The following SNTG1 variants were observed in gnomAD, a reference collection of about 807,000 sequenced individuals.
SNTG1 encodes the protein syntrophin gamma 1, also known as gamma-1-syntrophin.
Under a neutral mutation model 74.7 loss-of-function variants are expected in SNTG1, and 39 were observed. The ratio of observed to expected loss-of-function variants is 0.52; its 90% CI spans 0.40 to 0.68. SNTG1 has a LOEUF of 0.68. SNTG1 is among the 30% of genes least tolerant of loss of function. SNTG1 has a pLI of 0.00. For missense variants in SNTG1, 685 were observed against 609.5 expected (o/e 1.12, Z -1.30); for synonymous variants, 254 against 217.1 (o/e 1.17, Z -1.49).
Position 50,122,133 on chromosome 8 carries a change from C to T in SNTG1, c.-102-50428C>T, listed in dbSNP as rs145264398. Among the ~76,000 whole-genome samples, 107 of 141,526 alleles carry T rather than the reference C, an allele frequency of 7.6e-4. 13 individuals carry two copies. The East Asian group carries it at 0.021, about 28-fold the overall frequency. 92.8% of individuals were successfully genotyped at this position (141,526 alleles called of 152,430 possible). On this transcript the variant is annotated intron_variant, in intron 1 of 18. Transcript: ENST00000642720. Reference sequence around the variant, plus strand: ...GTCCTCTGCCATACAGATACACACACACCTTGTAAGTTGTGCCCATGGTTG... The same window carrying T: ...GTCCTCTGCCATACAGATACACACATACCTTGTAAGTTGTGCCCATGGTTG...
At chr8:50,483,689 C>T (rs1240613319) in intron 8 of SNTG1, among the ~76,000 whole-genome samples, 2 of 152,142 alleles carry the variant, frequency 1.3e-5, no homozygotes, top group African/African-American at 4.8e-5. Context: ...ACAATATTTA[C>T]TTCTTAGTTA....
At chr8:50,213,772 G>T (rs1161843579) in intron 2 of SNTG1, among the ~76,000 whole-genome samples, 2 of 151,754 alleles carry the variant, frequency 1.3e-5, no homozygotes, top group African/African-American at 4.9e-5. Context: ...CTTTTGACGG[G>T]GTTGTCTGTT....
intron 2 of SNTG1, among the ~76,000 whole-genome samples, chr8:50,291,075 C>A (rs866511464): frequency 7.2e-5 from 11 of 152,126 alleles, no homozygotes; most frequent in African/African-American, 2.7e-4. Flanking sequence ...TTCATTCTTG[C>A]ATATGTGGAT....
chr8:50,061,470 T>G (rs1286435244), intron 1 of SNTG1, among the ~76,000 whole-genome samples: 2 of 152,202 alleles, frequency 1.3e-5, no homozygotes, highest in East Asian at 3.9e-4. Context: ...CCAGTTTCTT[T>G]CATTTTTAAT....
chr8:50,453,643 T>C (rs2093476205), intron 8 of SNTG1, among the ~76,000 whole-genome samples: 1 of 152,354 alleles, frequency 6.6e-6, no homozygotes, highest in South Asian at 2.1e-4. Context: ...ATAAATGTTA[T>C]GGGAATGAAT....
chr8:50,304,103 G>A (rs1030787768), intron 2 of SNTG1, among the ~76,000 whole-genome samples: 3 of 152,166 alleles, frequency 2.0e-5, no homozygotes, highest in South Asian at 2.1e-4. Context: ...TTTAAGAGGC[G>A]ATTAGACCCT....
chr8:49,984,525 T>C (rs1812978043), intron 1 of SNTG1, among the ~76,000 whole-genome samples: 1 of 152,168 alleles, frequency 6.6e-6, no homozygotes, highest in Non-Finnish European at 1.5e-5. Flanking sequence ...CAAATATAAA[T>C]TATTTCCAGT....
At chr8:49,997,169 G>A (rs1296801805) in intron 1 of SNTG1, among the ~76,000 whole-genome samples, 1 of 152,070 alleles carries the variant, frequency 6.6e-6, no homozygotes. Flanking sequence ...TGAGGAATCA[G>A]AATTGTACAC....
chr8:50,653,543 T>C (rs2131250444), intron 13 of SNTG1, among the ~76,000 whole-genome samples: 1 of 152,360 alleles, frequency 6.6e-6, no homozygotes, highest in Admixed American at 6.5e-5. Context: ...CTTACATTTT[T>C]CCGCCACATT....
chr8:50,723,996 T>C (rs999106628), intron 17 of SNTG1, among the ~76,000 whole-genome samples: 1 of 152,134 alleles, frequency 6.6e-6, no homozygotes, highest in African/African-American at 2.4e-5. Context: ...TGCTATTTGC[T>C]TTTTTCCAAG....
Position 50,119,079 on chromosome 8 carries a change from AAAAC to A in SNTG1, c.-102-53462_-102-53459del, listed in dbSNP as rs201543508. Reference sequence around the variant, plus strand: ...TGGTGCTCAGAAACTACATGGAAGCAAAACAAACAAACAAACAAACAAAACACCT... The same window carrying A: ...TGGTGCTCAGAAACTACATGGAAGCAAAACAAACAAACAAACAAAACACCT... On this transcript the variant is annotated intron_variant, in intron 1 of 18. Coordinates refer to ENST00000642720, the MANE Select transcript of SNTG1 (RefSeq NM_018967.5). Among the ~76,000 whole-genome samples, 43 of 141,608 alleles carry A rather than the reference AAAAC, an allele frequency of 3.0e-4. 8 individuals carry two copies. In the East Asian group the frequency reaches 4.5e-3, roughly 15 times the overall value. 92.9% of individuals were successfully genotyped at this position (141,608 alleles called of 152,430 possible).
intron 12 of SNTG1, 62 bp downstream of exon 12, chr8:50,553,241 A>G (rs1487714186): frequency 1.0e-5 from 16 of 1,594,140 alleles, no homozygotes; most frequent in Non-Finnish European, 1.3e-5. Context: ...ATCCTTCAGT[A>G]TATATGTAAC....
chr8:49,910,992 T>C (rs1014672409), upstream of SNTG1: 1 of 152,228 alleles, frequency 6.6e-6, no homozygotes, highest in South Asian at 2.1e-4. Context: ...GTTCGCCGGA[T>C]CCTCTGAGAG....
At chr8:50,031,306 C>A (rs909711508) in intron 1 of SNTG1, among the ~76,000 whole-genome samples, 3 of 151,850 alleles carry the variant, frequency 2.0e-5, no homozygotes, top group Admixed American at 1.3e-4. Context: ...TTTATTTTTT[C>A]TTTCCAGATT....
intron 9 of SNTG1, among the ~76,000 whole-genome samples, chr8:50,512,321 C>T (rs867976814): frequency 2.1e-4 from 32 of 151,372 alleles, no homozygotes; most frequent in African/African-American, 7.0e-4. Context: ...GTGGGTAACC[C>T]GACCTTTCTC....
At chr8:50,429,376 A>T (rs536519309) in intron 4 of SNTG1, among the ~76,000 whole-genome samples, 2 of 152,264 alleles carry the variant, frequency 1.3e-5, no homozygotes, top group South Asian at 4.1e-4. Flanking sequence ...ACCCAAACCA[A>T]TGAAGAAAGA....
At chr8:50,363,792 G>A (rs2092032240) in intron 2 of SNTG1, among the ~76,000 whole-genome samples, 1 of 152,092 alleles carries the variant, frequency 6.6e-6, no homozygotes, top group South Asian at 2.1e-4. Context: ...AATTCCTTTG[G>A]TAAGAGAGAT....
chr8:50,649,933 A>T (rs1283744849), intron 13 of SNTG1, among the ~76,000 whole-genome samples: 1 of 151,780 alleles, frequency 6.6e-6, no homozygotes, highest in East Asian at 1.9e-4. Context: ...ATAAATTCAT[A>T]TTATCAATGA....
At chr8:50,544,741 G>C (rs1190609210) in intron 11 of SNTG1, among the ~76,000 whole-genome samples, 1 of 151,956 alleles carries the variant, frequency 6.6e-6, no homozygotes, top group African/African-American at 2.4e-5. Context: ...ATTTCATAGA[G>C]ATTCACATTC....
Sources: gnomAD v4.1 joint callset for allele counts (sites outside exome capture counted in the v4.1 genomes callset) on GRCh38, gnomAD v4.1.1 for gene constraint, MANE v1.5 for transcripts, NCBI Gene and HGNC (gene_info 2026-07-23, HGNC 2026-07-21) for gene names.